Variants in STXBP5L observed in about 807,000 individuals in gnomAD.
The protein encoded by STXBP5L is syntaxin binding protein 5L.
Under a neutral mutation model 144.5 loss-of-function variants are expected in STXBP5L, and 65 were observed. The observed-to-expected ratio is 0.45, with a 90% CI of 0.37 to 0.55. The LOEUF is 0.55. STXBP5L is among the 20% of genes least tolerant of loss of function. The pLI is 0.00. For synonymous variants in STXBP5L, 505 were observed against 469.6 expected (o/e 1.08, Z -0.97); for missense variants, 1,298 against 1,405.5 (o/e 0.92, Z 1.22).
At chr3:121,210,043 C>A (rs960861968) in intron 10 of STXBP5L, among the ~76,000 whole-genome samples, 1 of 152,282 alleles carries the variant, frequency 6.6e-6, no homozygotes, top group African/African-American at 2.4e-5. Context: ...AGTTTACAGT[C>A]CCACCAACAG....
At chr3:121,418,114 A>G (rs2047281257) in intron 25 of STXBP5L, among the ~76,000 whole-genome samples, 1 of 152,216 alleles carries the variant, frequency 6.6e-6, no homozygotes, top group Non-Finnish European at 1.5e-5. Context: ...GAACACACAC[A>G]CATACAAAAG....
At chr3:121,302,553 C>A (rs2051961614) in intron 19 of STXBP5L, among the ~76,000 whole-genome samples, 1 of 152,130 alleles carries the variant, frequency 6.6e-6, no homozygotes, top group African/African-American at 2.4e-5. Context: ...TTCAGTTCTG[C>A]TCTGATCTTA....
In STXBP5L at chr3:121,092,623, C is replaced by T. The variant is rs1468095133; in HGVS notation, c.471-22302C>T. Among the ~76,000 whole-genome samples, 68 of 152,074 alleles carry T rather than the reference C, an allele frequency of 4.5e-4. No homozygotes were observed. The East Asian group carries it at 8.7e-3, about 20-fold the overall frequency. On this transcript the variant is annotated intron_variant, in intron 5 of 26. Transcript: ENST00000471454. The stretch of plus-strand genomic sequence containing the variant: ...TTGTGATTTTTGTACATTGATTTTG[C>T]ATCCTGAGACTTTGCTGAAGTTGCT...
chr3:121,261,226 C>T (rs1414285122), intron 18 of STXBP5L, among the ~76,000 whole-genome samples: 3 of 152,110 alleles, frequency 2.0e-5, no homozygotes, highest in Non-Finnish European at 4.4e-5. Context: ...AAAGTTATTA[C>T]AGAGCTTCTG....
intron 22 of STXBP5L, among the ~76,000 whole-genome samples, chr3:121,401,980 C>G (rs1387635248): frequency 6.6e-6 from 1 of 151,344 alleles, no homozygotes; most frequent in African/African-American, 2.4e-5. Context: ...CAAATAAAAC[C>G]TTGAAGACAA....
chr3:120,987,079 A>C (rs1942359525), intron 3 of STXBP5L, among the ~76,000 whole-genome samples: 1 of 152,022 alleles, frequency 6.6e-6, no homozygotes, highest in Admixed American at 6.6e-5. Context: ...ATAAGCATCC[A>C]AGATGCTCAA....
At chr3:120,944,416 G>C (rs189363585) in intron 2 of STXBP5L, among the ~76,000 whole-genome samples, 1 of 151,560 alleles carries the variant, frequency 6.6e-6, no homozygotes, top group African/African-American at 2.4e-5. Flanking sequence ...AATAAAACTA[G>C]CATGAGAAGA....
chr3:121,177,384 A>G (rs2046976938), intron 9 of STXBP5L, among the ~76,000 whole-genome samples: 1 of 152,148 alleles, frequency 6.6e-6, no homozygotes, highest in Non-Finnish European at 1.5e-5. Flanking sequence ...TATCCAGAAA[A>G]TGTAAAGAAT....
chr3:121,347,346 G>C (rs973488217), intron 20 of STXBP5L, among the ~76,000 whole-genome samples: 2 of 152,138 alleles, frequency 1.3e-5, no homozygotes, highest in Non-Finnish European at 2.9e-5. Context: ...TGCTGTTTTG[G>C]TTACTGTAGC....
At chr3:121,327,993 A>G (rs2044205305) in intron 20 of STXBP5L, among the ~76,000 whole-genome samples, 3 of 152,222 alleles carry the variant, frequency 2.0e-5, no homozygotes, top group African/African-American at 7.2e-5. Flanking sequence ...AGGATGCACA[A>G]TGTGACTTAA....
At chr3:120,928,644 G>GTA (rs1709765421) in intron 2 of STXBP5L, among the ~76,000 whole-genome samples, 1 of 70,490 alleles carries the variant, frequency 1.4e-5, no homozygotes, top group Non-Finnish European at 3.1e-5. Context: ...TACAGAGTGT[G>GTA]TGTGTGTGTG....
At chr3:121,338,986 C>T (rs2044610854) in intron 20 of STXBP5L, among the ~76,000 whole-genome samples, 1 of 152,052 alleles carries the variant, frequency 6.6e-6, no homozygotes, top group African/African-American at 2.4e-5. Flanking sequence ...GAATTGGCGC[C>T]AATTTTGCTG....
At position 121,398,224 on chromosome 3, in the gene STXBP5L, G is replaced by A. The variant is rs193016021; in HGVS notation, c.2588-9019G>A. Among the ~76,000 whole-genome samples, 559 of 152,274 alleles carry A rather than the reference G, an allele frequency of 3.7e-3. 3 individuals are homozygous for A. Among genetic ancestry groups the A allele is most frequent in the Non-Finnish European group, 6.3e-3 (428 of 68,026 alleles). ...GTGACTCCTGTATGTATTTGTACCC[G>A]TTTTAAACTTAAACTAGACCTTTCT... On this transcript the variant is annotated intron_variant, in intron 22 of 26. Transcript: ENST00000471454.
At chr3:121,095,191 C>G (rs955817750) in intron 5 of STXBP5L, among the ~76,000 whole-genome samples, 1 of 152,112 alleles carries the variant, frequency 6.6e-6, no homozygotes, top group Non-Finnish European at 1.5e-5. Flanking sequence ...TGTGGGTAAC[C>G]CGACCTCTCT....
At chr3:120,950,297 CTTGGCACTCT>C (rs1711126711) in intron 2 of STXBP5L, among the ~76,000 whole-genome samples, 1 of 152,026 alleles carries the variant, frequency 6.6e-6, no homozygotes, top group African/African-American at 2.4e-5. Flanking sequence ...AATGAATTGT[CTTGGCACTCT>C]TTTCAAAAAT....
rs192715220 is a variant in STXBP5L at position 120,990,094 on chromosome 3, G to A, written c.287+35057G>A. 2.8e-3 allele frequency among the ~76,000 whole-genome samples: 424 copies of A among 152,202 alleles called. 5 individuals carry two copies. The highest frequency in any genetic ancestry group is 0.02 in the South Asian group (98 of 4,824). ...AGCCCAAAATCTCCTTAAGCTGATA[G>A]GCAACTTCAGCAAAGTCTCAGGATA... On this transcript the variant is annotated intron_variant, in intron 3 of 26. Coordinates refer to ENST00000471454, the MANE Select transcript of STXBP5L (RefSeq NM_001308330.2).
intron 5 of STXBP5L, among the ~76,000 whole-genome samples, chr3:121,064,160 C>T (rs1233022390): frequency 6.6e-6 from 1 of 152,164 alleles, no homozygotes; most frequent in Non-Finnish European, 1.5e-5. Flanking sequence ...GTTGTGAAGA[C>T]TGTGGAAAGT....
At chr3:120,952,657 C>G (rs141664667) in intron 2 of STXBP5L, among the ~76,000 whole-genome samples, 49 of 152,182 alleles carry the variant, frequency 3.2e-4, no homozygotes, top group African/African-American at 1.2e-3. Flanking sequence ...CTTCAACTCA[C>G]CGTTTCTATA....
chr3:121,319,028 A>T (rs2043882132), intron 20 of STXBP5L, among the ~76,000 whole-genome samples: 1 of 152,198 alleles, frequency 6.6e-6, no homozygotes, highest in Non-Finnish European at 1.5e-5. Context: ...GTGTGCACCC[A>T]TTAAAATATA....
Sources: gnomAD v4.1 joint callset for allele counts (sites outside exome capture counted in the v4.1 genomes callset) on GRCh38, gnomAD v4.1.1 for gene constraint, MANE v1.5 for transcripts, NCBI Gene and HGNC (gene_info 2026-07-23, HGNC 2026-07-21) for gene names.